The following PAPPA2 variants were observed in gnomAD, a reference collection of about 807,000 sequenced individuals.
The protein encoded by PAPPA2 is pappalysin-2.
In PAPPA2, 86 loss-of-function variants were observed where a neutral mutation model predicts 176.4. The ratio of observed to expected loss-of-function variants is 0.49; its 90% CI spans 0.41 to 0.58. PAPPA2 has a LOEUF of 0.58. Among genes scored for constraint, PAPPA2 ranks in the 20% least tolerant of loss-of-function variants. The probability of loss-of-function intolerance (pLI) is 0.00; values close to 1 mark genes in which losing one functional copy is unlikely to be tolerated. For synonymous variants in PAPPA2, 809 were observed against 852.2 expected (o/e 0.95, Z 0.88); for missense variants, 2,073 against 2,256.9 (o/e 0.92, Z 1.65).
At chr1:176,812,567 TAC>T (rs1666202753) in intron 21 of PAPPA2, among the ~76,000 whole-genome samples, 1 of 152,208 alleles carries the variant, frequency 6.6e-6, no homozygotes, top group South Asian at 2.1e-4. Context: ...TTGCTTATTT[TAC>T]AATTTACCAT....
At chr1:176,543,382 G>A (rs1436382819) in intron 1 of PAPPA2, among the ~76,000 whole-genome samples, 1 of 151,970 alleles carries the variant, frequency 6.6e-6, no homozygotes, top group Non-Finnish European at 1.5e-5. Context: ...CCCCCACCTG[G>A]AGTTTACCCT....
chr1:176,526,767 T>C (rs1012477560), intron 1 of PAPPA2, among the ~76,000 whole-genome samples: 1 of 152,206 alleles, frequency 6.6e-6, no homozygotes, highest in Non-Finnish European at 1.5e-5. Context: ...CAGGAGCTAC[T>C]AGGAGAGTGA....
intron 1 of PAPPA2, among the ~76,000 whole-genome samples, chr1:176,505,743 A>G (rs569699469): frequency 1.3e-5 from 2 of 152,134 alleles, no homozygotes; most frequent in Non-Finnish European, 1.5e-5. Context: ...CAAAAAAACA[A>G]AAACAAAACA....
intron 6 of PAPPA2, among the ~76,000 whole-genome samples, chr1:176,693,313 T>C (rs1420298390): frequency 6.6e-6 from 1 of 152,254 alleles, no homozygotes; most frequent in East Asian, 1.9e-4. Flanking sequence ...TAAGTGAGAA[T>C]TCTGAGGCAT....
At chr1:176,473,741 G>A (rs897529034) in intron 1 of PAPPA2, among the ~76,000 whole-genome samples, 1 of 152,052 alleles carries the variant, frequency 6.6e-6, no homozygotes, top group South Asian at 2.1e-4. Flanking sequence ...GGTATGTAGT[G>A]GTATCTCATT....
intron 7 of PAPPA2, 101 bp downstream of exon 7, chr1:176,695,960 A>ATG (rs1374236007): frequency 2.6e-5 from 31 of 1,184,702 alleles, no homozygotes; most frequent in Middle Eastern, 3.0e-4. Flanking sequence ...AAGGCAATGT[A>ATG]TGTGTATGTG....
intron 2 of PAPPA2, among the ~76,000 whole-genome samples, chr1:176,557,619 C>A (rs183337247): frequency 1.3e-5 from 2 of 152,324 alleles, no homozygotes; most frequent in Admixed American, 1.3e-4. Context: ...ACCCAGGCAA[C>A]CTTGAAGACA....
chr1:176,792,313 A>G (rs1284817141), intron 19 of PAPPA2, among the ~76,000 whole-genome samples: 6 of 152,226 alleles, frequency 3.9e-5, no homozygotes, highest in Admixed American at 3.9e-4. Flanking sequence ...GATTACTCCT[A>G]AATTCTGAAC....
intron 4 of PAPPA2, among the ~76,000 whole-genome samples, chr1:176,673,837 G>A (rs1003076243): frequency 6.6e-6 from 1 of 152,032 alleles, no homozygotes; most frequent in East Asian, 1.9e-4. Flanking sequence ...TCCTTTCAGG[G>A]AAATTGCCAC....
At chr1:176,540,040 G>T (rs1026545613) in intron 1 of PAPPA2, among the ~76,000 whole-genome samples, 4 of 152,154 alleles carry the variant, frequency 2.6e-5, no homozygotes, top group Non-Finnish European at 5.9e-5. Flanking sequence ...TTCTTTATTA[G>T]CAAGAAGAAG....
At chr1:176,789,022 T>A (rs1244120111) in intron 17 of PAPPA2, among the ~76,000 whole-genome samples, 4 of 152,202 alleles carry the variant, frequency 2.6e-5, no homozygotes, top group African/African-American at 9.6e-5. Flanking sequence ...GATAACCTTT[T>A]TTGTACCCCA....
chr1:176,686,989 A>G (rs1162006906), intron 4 of PAPPA2, among the ~76,000 whole-genome samples: 1 of 152,092 alleles, frequency 6.6e-6, no homozygotes, highest in Non-Finnish European at 1.5e-5. Flanking sequence ...GAGGTCTAGG[A>G]CCTTGGGATT....
chr1:176,550,224 C>T (rs1176118341), intron 1 of PAPPA2, among the ~76,000 whole-genome samples: 2 of 152,206 alleles, frequency 1.3e-5, no homozygotes, highest in Non-Finnish European at 2.9e-5. Context: ...TCAGTGTCCT[C>T]ATCTGTAAGA....
intron 15 of PAPPA2, among the ~76,000 whole-genome samples, chr1:176,767,623 G>A (rs572258437): frequency 1.3e-5 from 2 of 152,328 alleles, no homozygotes; most frequent in East Asian, 3.9e-4. Flanking sequence ...TGGGATTACA[G>A]GTGTGAGCCA....
intron 22 of PAPPA2, among the ~76,000 whole-genome samples, chr1:176,842,000 A>C (rs1175608539): frequency 6.6e-6 from 1 of 152,190 alleles, no homozygotes; most frequent in African/African-American, 2.4e-5. Context: ...CTTTACAGGG[A>C]AAGTGACAGT....
chr1:176,588,715 A>G (rs1367002713), intron 2 of PAPPA2, among the ~76,000 whole-genome samples: 2 of 152,182 alleles, frequency 1.3e-5, no homozygotes, highest in Non-Finnish European at 2.9e-5. Flanking sequence ...GTGAGTGCAC[A>G]TAATGTCCAT....
At chr1:176,831,678 A>G (rs1667085611) in intron 21 of PAPPA2, among the ~76,000 whole-genome samples, 1 of 152,084 alleles carries the variant, frequency 6.6e-6, no homozygotes, top group Non-Finnish European at 1.5e-5. Flanking sequence ...TTGAGTCTTT[A>G]TTTGCAACTA....
Position 176,594,525 on chromosome 1 carries a change from T to C in PAPPA2, c.921T>C (p.Gly307=). ...GGQNNPAIIA[G]VFDNCSHTVS... is the part of the protein sequence containing the mutation. The stretch of plus-strand genomic sequence containing the variant: ...CCTCGATTCTTCCTTCTTTCCCAGG[T>C]GTGTTTGATAACTGCTCCCACACTG... The change falls in exon 3 of 23, where the codon GGT becomes GGC. Residue 307 remains glycine (G), a splice_region_variant and synonymous_variant. Coordinates refer to ENST00000367662, the MANE Select transcript of PAPPA2 (RefSeq NM_020318.3). The C allele has an allele frequency of 6.2e-7, 1 of 1,610,684 alleles. No individual in the cohort carries two copies.
intron 1 of PAPPA2, among the ~76,000 whole-genome samples, chr1:176,525,136 T>C (rs796755794): frequency 1.4e-4 from 22 of 152,348 alleles, no homozygotes; most frequent in African/African-American, 4.8e-4. Flanking sequence ...TCTTGAAATA[T>C]AGGAACTATC....
Sources: allele counts gnomAD v4.1 joint callset (sites outside exome capture counted in the v4.1 genomes callset), GRCh38; gene constraint gnomAD v4.1.1; transcripts MANE v1.5; gene names NCBI Gene and HGNC (gene_info 2026-07-23, HGNC 2026-07-21).